IQCM: variants seen among roughly 807,000 people sequenced by gnomAD.
The protein encoded by IQCM is IQ domain-containing protein M.
In IQCM, 45 loss-of-function variants were observed where a neutral mutation model predicts 57.6. The observed-to-expected ratio is 0.78, with a 90% CI of 0.62 to 1.00. The LOEUF is 1.00. Among genes scored for constraint, IQCM ranks in the 50% least tolerant of loss-of-function variants. The pLI is 0.00. For missense variants in IQCM, 468 were observed against 511.6 expected (o/e 0.91, Z 0.82); for synonymous variants, 148 against 158.9 (o/e 0.93, Z 0.51).
chr4:149,716,439 T>C (rs1580107941), intron 5 of IQCM, among the ~76,000 whole-genome samples: 2 of 152,144 alleles, frequency 1.3e-5, no homozygotes, highest in South Asian at 4.1e-4. Context: ...TGGGGGCAGG[T>C]GGAGCCTCCC....
At chr4:149,524,763 A>G (rs894716726) in intron 12 of IQCM, among the ~76,000 whole-genome samples, 1 of 151,914 alleles carries the variant, frequency 6.6e-6, no homozygotes, top group Non-Finnish European at 1.5e-5. Context: ...CAAGCTTTCA[A>G]AGGAAGAGTA....
chr4:149,611,327 T>C (rs1299166539), intron 8 of IQCM, among the ~76,000 whole-genome samples: 1 of 152,080 alleles, frequency 6.6e-6, no homozygotes, highest in Non-Finnish European at 1.5e-5. Context: ...GCAACCCCAC[T>C]GCTGGGTATA....
rs145112446 is a variant in IQCM, at chr4:149,505,051, T to C, written c.1228+43404A>G. On this transcript the variant is annotated intron_variant, in intron 12 of 13. Transcript: ENST00000636793. ...ACCTGAGGAAAAAAAATTCTGTTGATCATAAGCCACCCTGTCTATAGTGTT... is the reference window on the plus strand; with the variant it reads ...ACCTGAGGAAAAAAAATTCTGTTGACCATAAGCCACCCTGTCTATAGTGTT... 2.4e-3 allele frequency among the ~76,000 whole-genome samples: 370 copies of C among 152,226 alleles called. 1 individual carries two copies. Among genetic ancestry groups the C allele is most frequent in the African/African-American group, 7.9e-3 (327 of 41,548 alleles).
intron 2 of IQCM, among the ~76,000 whole-genome samples, chr4:149,795,394 A>C (rs2150038015): frequency 6.6e-6 from 1 of 152,264 alleles, no homozygotes; most frequent in Middle Eastern, 3.4e-3. Context: ...GGGAGCATTT[A>C]AACCAGCCCT....
At chr4:149,386,981 A>T (rs1731473482) in intron 13 of IQCM, among the ~76,000 whole-genome samples, 1 of 152,036 alleles carries the variant, frequency 6.6e-6, no homozygotes, top group Non-Finnish European at 1.5e-5. Flanking sequence ...TCAGGCATAC[A>T]ATACCTGGTG....
At chr4:149,635,823 T>C (rs1294503568) in intron 7 of IQCM, among the ~76,000 whole-genome samples, 2 of 152,234 alleles carry the variant, frequency 1.3e-5, no homozygotes, top group East Asian at 1.9e-4. Flanking sequence ...CTATAAATTA[T>C]AGAAATACCT....
chr4:149,788,267 G>A (rs1470375615), intron 2 of IQCM, among the ~76,000 whole-genome samples: 1 of 152,230 alleles, frequency 6.6e-6, no homozygotes, highest in Non-Finnish European at 1.5e-5. Flanking sequence ...CCAGGAGGCA[G>A]AGGTTGCAGT....
At chr4:149,716,231 G>A (rs933029908) in intron 5 of IQCM, among the ~76,000 whole-genome samples, 8 of 152,204 alleles carry the variant, frequency 5.3e-5, no homozygotes, top group East Asian at 1.9e-4. Flanking sequence ...CTTGGCCTCC[G>A]TCCCATGCTT....
chr4:149,626,933 A>T (rs1172152125), intron 7 of IQCM, among the ~76,000 whole-genome samples: 2 of 152,148 alleles, frequency 1.3e-5, no homozygotes, highest in East Asian at 3.9e-4. Context: ...AAGGAAAAAA[A>T]TACAGAAAAA....
At chr4:149,586,105 AAAAGGCTTCCC>A (rs1752623239) in intron 9 of IQCM, among the ~76,000 whole-genome samples, 1 of 151,706 alleles carries the variant, frequency 6.6e-6, no homozygotes, top group African/African-American at 2.4e-5. Flanking sequence ...CTGTAAGGAA[AAAAGGCTTCCC>A]AAATTAACCA....
intron 13 of IQCM, among the ~76,000 whole-genome samples, chr4:149,416,563 G>T (rs1733764133): frequency 6.6e-6 from 1 of 152,072 alleles, no homozygotes; most frequent in African/African-American, 2.4e-5. Context: ...TGCTGTCTAG[G>T]TCGGTGATTC....
At chr4:149,353,572 G>T (rs1032299834) in intron 13 of IQCM, among the ~76,000 whole-genome samples, 6 of 152,072 alleles carry the variant, frequency 3.9e-5, no homozygotes, top group African/African-American at 1.4e-4. Context: ...AAGAACTGTA[G>T]CATATATATA....
At chr4:149,709,415 T>C (rs1490223590) in intron 5 of IQCM, among the ~76,000 whole-genome samples, 1 of 152,138 alleles carries the variant, frequency 6.6e-6, no homozygotes, top group Non-Finnish European at 1.5e-5. Context: ...CAGGATCATC[T>C]GCTTTTCTGT....
rs139030696 is a variant in IQCM at position 149,543,211 on chromosome 4, T to C, written c.1228+5244A>G. Among the ~76,000 whole-genome samples the C allele has an allele frequency of 1.3e-3, 199 of 152,230 alleles. 8 individuals carry two copies. The East Asian group carries it at 0.036, about 28-fold the overall frequency. On this transcript the variant is annotated intron_variant, in intron 12 of 13. Transcript: ENST00000636793. The stretch of plus-strand genomic sequence containing the variant: ...TAAATGTATAACAATAAATACATTA[T>C]AGAACATCCATATGGCAGATTACTA...
At chr4:149,706,410 G>A (rs1022203603) in intron 5 of IQCM, among the ~76,000 whole-genome samples, 3 of 151,944 alleles carry the variant, frequency 2.0e-5, no homozygotes, top group Admixed American at 6.6e-5. Context: ...TTTAGGAAAT[G>A]TTAAATCAGA....
intron 13 of IQCM, among the ~76,000 whole-genome samples, chr4:149,425,704 A>G (rs1394909742): frequency 6.6e-6 from 1 of 152,022 alleles, no homozygotes; most frequent in African/African-American, 2.4e-5. Flanking sequence ...ACCGTCACCC[A>G]GAAATAATGT....
chr4:149,591,275 A>G (rs949428108), intron 8 of IQCM, among the ~76,000 whole-genome samples: 9 of 151,864 alleles, frequency 5.9e-5, no homozygotes, highest in African/African-American at 1.9e-4. Context: ...TCTTTTGACA[A>G]TTCCTTCATG....
Position 149,413,043 on chromosome 4 carries a change from C to T in IQCM, c.1390+20353G>A, listed in dbSNP as rs554302223. 2.6e-5 allele frequency among the ~76,000 whole-genome samples: 4 copies of T among 152,224 alleles called. No homozygotes were observed. In the South Asian group the frequency reaches 6.2e-4, roughly 24 times the overall value. ...GTTCACCTCCATTAGCATGAATCCC[C>T]CAGTATACTCATATTTATCTGTGTA... On this transcript the variant is annotated intron_variant, in intron 13 of 13. Coordinates refer to ENST00000636793, the MANE Select transcript of IQCM (RefSeq NM_001363507.2).
chr4:149,430,887 G>T (rs1734794364), intron 13 of IQCM, among the ~76,000 whole-genome samples: 1 of 151,912 alleles, frequency 6.6e-6, no homozygotes, highest in East Asian at 1.9e-4. Flanking sequence ...CTGGTTGTAT[G>T]GCAGATGTAT....
Sources: gnomAD v4.1 joint callset for allele counts (sites outside exome capture counted in the v4.1 genomes callset) on GRCh38, gnomAD v4.1.1 for gene constraint, MANE v1.5 for transcripts, NCBI Gene and HGNC (gene_info 2026-07-23, HGNC 2026-07-21) for gene names.